The following EDARADD variants were observed in gnomAD, a reference collection of about 807,000 sequenced individuals.
The protein encoded by EDARADD is ectodysplasin-A receptor-associated adapter protein.
In EDARADD, 20 loss-of-function variants were observed where a neutral mutation model predicts 25.6. The ratio of observed to expected loss-of-function variants is 0.78; its 90% CI spans 0.55 to 1.14. EDARADD has a LOEUF of 1.14. Among genes scored for constraint, EDARADD ranks in the 50% most tolerant of loss-of-function variants. The pLI is 0.00. For missense variants in EDARADD, 225 were observed against 270.1 expected (o/e 0.83, Z 1.17); for synonymous variants, 86 against 94.4 (o/e 0.91, Z 0.52).
chr1:236,471,407 T>C, intron 5 of EDARADD, among the ~76,000 whole-genome samples: 1 of 124,658 alleles, frequency 8.0e-6, no homozygotes, highest in Admixed American at 7.4e-5. Context: ...TCCAATGAGT[T>C]ATCAAAGCCA....
chr1:236,358,802 A>G (rs1485942391), intron 3 of EDARADD, among the ~76,000 whole-genome samples: 2 of 151,834 alleles, frequency 1.3e-5, no homozygotes, highest in African/African-American at 4.8e-5. Context: ...TATGTGATCA[A>G]TTTTAGAGTA....
At chr1:236,446,286 G>A (rs571112376) in intron 4 of EDARADD, among the ~76,000 whole-genome samples, 2 of 152,202 alleles carry the variant, frequency 1.3e-5, no homozygotes, top group South Asian at 4.1e-4. Context: ...AACTTTAGAC[G>A]ATAACATAGA....
chr1:236,440,872 T>G (rs542225589), intron 4 of EDARADD, among the ~76,000 whole-genome samples: 1 of 152,316 alleles, frequency 6.6e-6, no homozygotes, highest in East Asian at 1.9e-4. Flanking sequence ...TCTTGGGCCT[T>G]CCTATTCCCT....
intron 3 of EDARADD, among the ~76,000 whole-genome samples, chr1:236,423,800 A>C (rs1275987553): frequency 6.6e-6 from 1 of 152,194 alleles, no homozygotes; most frequent in Middle Eastern, 3.2e-3. Flanking sequence ...GGATGAGACC[A>C]CAGCAGTAAA....
rs1446289453 is a variant in EDARADD at position 236,464,281 on chromosome 1, G to A, written c.220-3950G>A. ...TTTTTTTTTTTGGAGATGGAGTCTC[G>A]CTCTGTCACCCGGGCTGGAGTGCAG... On this transcript the variant is annotated intron_variant, in intron 4 of 5. Transcript: ENST00000334232. 4.8e-5 allele frequency among the ~76,000 whole-genome samples: 7 copies of A among 146,552 alleles called. No homozygotes were observed. The South Asian group carries it at 8.6e-4, about 18-fold the overall frequency.
chr1:236,460,820 G>GT lies in EDARADD; in HGVS notation c.220-7401dup, dbSNP rs35583604. 3.4e-3 allele frequency among the ~76,000 whole-genome samples: 502 copies of GT among 147,682 alleles called. 3 individuals are homozygous for GT. Among genetic ancestry groups the GT allele is most frequent in the African/African-American group, 0.011 (446 of 40,320 alleles). On this transcript the variant is annotated intron_variant, in intron 4 of 5. Coordinates refer to ENST00000334232, the MANE Select transcript of EDARADD (RefSeq NM_145861.4). Reference sequence around the variant, plus strand: ...GTGTGACATGAGAAAGTTTTGTGGGGTTTTTTTTTTGTATTTTTTTGAGAC... The same window carrying GT: ...GTGTGACATGAGAAAGTTTTGTGGGGTTTTTTTTTTTGTATTTTTTTGAGAC...
In EDARADD at chr1:236,357,023, G is replaced by A. The variant is rs534548364; in HGVS notation, c.-6+6184G>A. 4.4e-4 allele frequency among the ~76,000 whole-genome samples: 67 copies of A among 151,618 alleles called. 1 individual carries two copies. In the South Asian group the frequency reaches 7.0e-3, roughly 16 times the overall value. On this transcript the variant is annotated intron_variant, in intron 3 of 7. Transcript: ENST00000439430. Reference sequence around the variant, plus strand: ...TGCTTGAACCCAGGAGGGGGAGATGGCAGTGAGCCAAGATTGCGCCACTGC... The same window carrying A: ...TGCTTGAACCCAGGAGGGGGAGATGACAGTGAGCCAAGATTGCGCCACTGC...
intron 3 of EDARADD, among the ~76,000 whole-genome samples, chr1:236,365,162 TTC>T (rs1032913083): frequency 1.7e-4 from 26 of 150,162 alleles, no homozygotes; most frequent in Non-Finnish European, 1.9e-4. Context: ...TTTTTTTTCT[TTC>T]TCTCTCTCTC....
intron 4 of EDARADD, among the ~76,000 whole-genome samples, chr1:236,466,465 A>C (rs1571953149): frequency 6.6e-6 from 1 of 151,580 alleles, no homozygotes; most frequent in South Asian, 2.1e-4. Flanking sequence ...ACACACTCAC[A>C]CTCACACACT....
At chr1:236,449,866 C>T (rs1470805989) in intron 4 of EDARADD, among the ~76,000 whole-genome samples, 1 of 152,126 alleles carries the variant, frequency 6.6e-6, no homozygotes, top group African/African-American at 2.4e-5. Flanking sequence ...TTTGGGACGC[C>T]AAGGCAGGTG....
At chr1:236,366,741 C>CTTTTTTTTTTT (rs1553262434) in intron 3 of EDARADD, among the ~76,000 whole-genome samples, 1 of 144,214 alleles carries the variant, frequency 6.9e-6, no homozygotes, top group Admixed American at 6.9e-5. Flanking sequence ...TCATCTCTCT[C>CTTTTTTTTTTT]TTTTTTTTGT....
intron 5 of EDARADD, 46 bp from the exon 6 acceptor site, chr1:236,482,221 G>A (rs1404019519): frequency 1.5e-5 from 24 of 1,611,302 alleles, no homozygotes; most frequent in Non-Finnish European, 2.0e-5. Context: ...GAATGCATAT[G>A]TTAGGCCTCT....
At chr1:236,417,190 G>T (rs1657659975) in intron 3 of EDARADD, among the ~76,000 whole-genome samples, 1 of 152,184 alleles carries the variant, frequency 6.6e-6, no homozygotes, top group African/African-American at 2.4e-5. Flanking sequence ...TTAACGAAGA[G>T]ACTGATTTAT....
rs1659762517 is a variant in EDARADD at position 236,484,121 on chromosome 1, T to C, written c.*1472T>C. ...CAGGAATCCAGGTAGTGGAGGATGA[T>C]CTCAGAGTGACCAACCCAAAGAGGA... On this transcript the variant is annotated 3_prime_UTR_variant, in exon 6 of 6. Coordinates refer to ENST00000334232, the MANE Select transcript of EDARADD (RefSeq NM_145861.4). This position sits in a 1 kb window ranked among gnomAD's most constrained non-coding sequence, Gnocchi z 4.1. The C allele has an allele frequency of 1.4e-5, 22 of 1,536,434 alleles. 1 individual carries two copies. The South Asian group carries it at 2.5e-4, about 17-fold the overall frequency.
chr1:236,356,531 A>G (rs1238879361), intron 3 of EDARADD, among the ~76,000 whole-genome samples: 1 of 152,144 alleles, frequency 6.6e-6, no homozygotes, highest in East Asian at 1.9e-4. Context: ...GGTCAAAGCT[A>G]TTTTCATAGT....
chr1:236,428,822 C>T (rs997216354), intron 4 of EDARADD, among the ~76,000 whole-genome samples: 8 of 151,958 alleles, frequency 5.3e-5, no homozygotes, highest in Non-Finnish European at 1.0e-4. Context: ...GGAGATCACG[C>T]CACTGCACTC....
At chr1:236,482,126 A>G (rs1315736959) in intron 5 of EDARADD, 141 bp from the exon 6 acceptor site, 3 of 1,080,452 alleles carry the variant, frequency 2.8e-6, no homozygotes, top group East Asian at 2.5e-5. Context: ...AAAAAAAAAA[A>G]AAAAAGAAAG....
At chr1:236,482,063 C>T (rs1244741002) in intron 5 of EDARADD, among the ~76,000 whole-genome samples, 4 of 145,908 alleles carry the variant, frequency 2.7e-5, no homozygotes, top group Non-Finnish European at 4.5e-5. Context: ...TGCAGTGAGC[C>T]GAGATAGTGC....
rs1667476300 is a variant in EDARADD, at chr1:236,394,439, A to G, written c.-6A>G. Reference sequence around the variant, plus strand: ...AGAGAATTAAGAAGCCAAACTCAACATCGCCATGGGCCTCAGGACGACTAA... The same window carrying G: ...AGAGAATTAAGAAGCCAAACTCAACGTCGCCATGGGCCTCAGGACGACTAA... On this transcript the variant is annotated 5_prime_UTR_variant, in exon 1 of 6. Transcript: ENST00000334232. The G allele has an allele frequency of 1.2e-6, 2 of 1,614,094 alleles. No individual in the cohort carries two copies. Among genetic ancestry groups the G allele is most frequent in the Admixed American group, 3.3e-5 (2 of 60,012 alleles).
Sources: gnomAD v4.1 joint callset for allele counts (sites outside exome capture counted in the v4.1 genomes callset) on GRCh38, gnomAD v4.1.1 for gene constraint, Gnocchi (gnomAD v3.1) non-coding constraint, MANE v1.5 for transcripts, NCBI Gene and HGNC (gene_info 2026-07-23, HGNC 2026-07-21) for gene names.